The following RPRD1A variants were observed in gnomAD, a reference collection of about 807,000 sequenced individuals.
RPRD1A encodes the protein regulation of nuclear pre-mRNA domain-containing protein 1A.
A neutral mutation model predicts 37.8 loss-of-function variants in RPRD1A; 9 were observed. That is an observed-to-expected ratio of 0.24 (90% CI 0.14 to 0.42). The LOEUF (loss-of-function observed/expected upper bound fraction) is 0.42. Among genes scored for constraint, RPRD1A ranks in the 10% least tolerant of loss-of-function variants. The pLI, the probability that RPRD1A is intolerant of heterozygous loss-of-function variation, is 1.00. For missense variants in RPRD1A, 255 were observed against 371.0 expected, an observed-to-expected ratio of 0.69 and a Z score of 2.57; for synonymous variants, 138 against 139.7, an observed-to-expected ratio of 0.99 and a Z score of 0.08.
At chr18:36,054,033 G>A (rs935050378) in intron 1 of RPRD1A, among the ~76,000 whole-genome samples, 1 of 152,110 alleles carries the variant, frequency 6.6e-6, no homozygotes, top group African/African-American at 2.4e-5. Context: ...GGGTTTATGT[G>A]CACAATGAGT....
chr18:36,037,648 G>A (rs1353968067), intron 1 of RPRD1A, among the ~76,000 whole-genome samples: 1 of 152,226 alleles, frequency 6.6e-6, no homozygotes, highest in African/African-American at 2.4e-5. Context: ...GGTTGGAACA[G>A]TTTGGAGGGC....
At chr18:36,004,321 A>G (rs1030759957) in intron 6 of RPRD1A, among the ~76,000 whole-genome samples, 1 of 151,862 alleles carries the variant, frequency 6.6e-6, no homozygotes, top group Non-Finnish European at 1.5e-5. Context: ...GTGGTGCAGT[A>G]TCAGCTTACT....
In RPRD1A at chr18:36,029,566, T is replaced by C. The variant is rs180870080; in HGVS notation, c.486+1242A>G. ...TCATTTTCTCATTTTACACTTTATC[T>C]GTCCCGCCTACATGTTTGAAACATA... On this transcript the variant is annotated intron_variant, in intron 4 of 6. Transcript: ENST00000399022. 1.1e-3 allele frequency among the ~76,000 whole-genome samples: 163 copies of C among 151,148 alleles called. 1 individual carries two copies. The highest frequency in any genetic ancestry group is 3.9e-3 in the African/African-American group (159 of 41,120).
intron 6 of RPRD1A, among the ~76,000 whole-genome samples, chr18:36,024,007 GATA>G (rs902317309): frequency 6.6e-6 from 1 of 152,152 alleles, no homozygotes; most frequent in Admixed American, 6.5e-5. Context: ...TGCCTTCCAA[GATA>G]ATAAGCTAAC....
At chr18:36,062,055 C>T (rs184110809) in intron 1 of RPRD1A, among the ~76,000 whole-genome samples, 5 of 152,184 alleles carry the variant, frequency 3.3e-5, no homozygotes, top group Admixed American at 2.6e-4. Context: ...CGGTGGCTCA[C>T]GCCTGTAATC....
At chr18:36,065,971 A>G (rs965977155) in intron 1 of RPRD1A, among the ~76,000 whole-genome samples, 4 of 152,306 alleles carry the variant, frequency 2.6e-5, no homozygotes, top group African/African-American at 9.6e-5. Flanking sequence ...CTGCAAAAAC[A>G]AAAAACAAGA....
intron 1 of RPRD1A, among the ~76,000 whole-genome samples, chr18:36,059,330 G>T (rs902265902): frequency 5.3e-5 from 8 of 152,066 alleles, no homozygotes; most frequent in East Asian, 3.9e-4. Context: ...TACTGACATG[G>T]TTTTGCCATG....
In RPRD1A at chr18:36,031,110, A is replaced by G. The variant is rs1206321450; in HGVS notation, c.282-13T>C. 7.8e-6 allele frequency: 12 copies of G among 1,529,458 alleles called. No homozygotes were observed. The highest frequency in any genetic ancestry group is 2.3e-5 in the East Asian group (1 of 43,252). 94.7% of individuals were successfully genotyped at this position (1,529,458 alleles called of 1,614,324 possible). On this transcript the variant is annotated splice_polypyrimidine_tract_variant and intron_variant, in intron 2 of 6. Coordinates refer to ENST00000399022, the MANE Select transcript of RPRD1A (RefSeq NM_018170.5). Reference sequence around the variant, plus strand: ...TTCATCAGTTTCACTAAAAAAAAAAAAAAAGAAAAAAAGAAAAATGTTAAC... The same window carrying G: ...TTCATCAGTTTCACTAAAAAAAAAAGAAAAGAAAAAAAGAAAAATGTTAAC...
intron 1 of RPRD1A, among the ~76,000 whole-genome samples, chr18:36,050,194 C>T (rs765780726): frequency 5.3e-5 from 8 of 151,242 alleles, no homozygotes; most frequent in Admixed American, 2.0e-4. Context: ...TTAACGCCAC[C>T]GAACTGTACA....
chr18:36,029,089 C>CGCT (rs1911579250), intron 4 of RPRD1A, among the ~76,000 whole-genome samples: 2 of 152,124 alleles, frequency 1.3e-5, no homozygotes, highest in African/African-American at 4.8e-5. Flanking sequence ...CCAAATGTAA[C>CGCT]ATTCTTATCA....
chr18:36,034,335 G>C (rs981420075), intron 1 of RPRD1A, among the ~76,000 whole-genome samples: 1 of 152,110 alleles, frequency 6.6e-6, no homozygotes, highest in Non-Finnish European at 1.5e-5. Context: ...AACTGCTAGG[G>C]AGAGTAAATG....
chr18:36,007,651 A>G (rs1205905932), intron 6 of RPRD1A, among the ~76,000 whole-genome samples: 1 of 152,184 alleles, frequency 6.6e-6, no homozygotes, highest in Non-Finnish European at 1.5e-5. Context: ...ACTAAAAACT[A>G]AATTCTGGCC....
At chr18:36,061,391 A>G (rs1231028623) in intron 1 of RPRD1A, among the ~76,000 whole-genome samples, 1 of 152,212 alleles carries the variant, frequency 6.6e-6, no homozygotes, top group Admixed American at 6.5e-5. Flanking sequence ...CCAATATAAC[A>G]TAAAAGAGGC....
At chr18:36,055,522 T>C (rs1412522558) in intron 1 of RPRD1A, among the ~76,000 whole-genome samples, 3 of 152,224 alleles carry the variant, frequency 2.0e-5, no homozygotes, top group Non-Finnish European at 4.4e-5. Context: ...CAAAGCATCA[T>C]GAAGTGACAT....
chr18:36,063,989 A>G (rs573206699), intron 1 of RPRD1A: 1 of 152,404 alleles, frequency 6.6e-6, no homozygotes, highest in South Asian at 2.1e-4. Flanking sequence ...GAAACATCAC[A>G]AACCTTGCTA....
rs749506360 is a variant in RPRD1A, at chr18:36,033,661, T to C, written c.281+47A>G. ...AGGCAAATTTTAGCAAAAGGACATA[T>C]GGTACATTTAAAACAGATTACCTAA... On this transcript the variant is annotated intron_variant, in intron 2 of 6. Coordinates refer to ENST00000399022, the MANE Select transcript of RPRD1A (RefSeq NM_018170.5). The C allele has an allele frequency of 5.3e-6, 8 of 1,516,774 alleles. No homozygotes were observed. The African/African-American group carries it at 5.6e-5, about 11-fold the overall frequency. The allele number at this position is 1,516,774 out of a possible 1,614,324, so 94.0% of individuals were successfully genotyped here. A position where few individuals can be genotyped will look rare whatever the true frequency, so the allele number is the denominator to read the frequency against.
intron 6 of RPRD1A, among the ~76,000 whole-genome samples, chr18:36,017,400 T>C (rs550247083): frequency 1.3e-5 from 2 of 152,310 alleles, no homozygotes; most frequent in Admixed American, 6.5e-5. Flanking sequence ...GTCTCCCTAC[T>C]GCTAATCTCT....
At chr18:36,018,773 G>C (rs1192461530) in intron 6 of RPRD1A, among the ~76,000 whole-genome samples, 1 of 151,952 alleles carries the variant, frequency 6.6e-6, no homozygotes, top group Non-Finnish European at 1.5e-5. Context: ...GAATATGGAA[G>C]AAAAACAAAA....
At chr18:36,045,757 C>T (rs928901079) in intron 1 of RPRD1A, among the ~76,000 whole-genome samples, 4 of 152,126 alleles carry the variant, frequency 2.6e-5, no homozygotes, top group Admixed American at 2.6e-4. Flanking sequence ...AACAGAAATG[C>T]ACAACCAACA....
Sources: gnomAD v4.1 joint callset for allele counts (sites outside exome capture counted in the v4.1 genomes callset) on GRCh38, gnomAD v4.1.1 for gene constraint, MANE v1.5 for transcripts, NCBI Gene and HGNC (gene_info 2026-07-23, HGNC 2026-07-21) for gene names.